The following CTNNA2 variants were observed in gnomAD, a reference collection of about 807,000 sequenced individuals.
CTNNA2 encodes the protein catenin alpha-2.
Under a neutral mutation model 101.0 loss-of-function variants are expected in CTNNA2, and 42 were observed. That is an observed-to-expected ratio of 0.42 (90% CI 0.32 to 0.54). The LOEUF is 0.54. Among genes scored for constraint, CTNNA2 ranks in the 20% least tolerant of loss-of-function variants. CTNNA2 has a pLI of 0.14. For synonymous variants in CTNNA2, 450 were observed against 456.4 expected, an observed-to-expected ratio of 0.99 and a Z score of 0.18; for missense variants, 871 against 1,223.1, an observed-to-expected ratio of 0.71 and a Z score of 4.29.
chr2:79,253,072 G>A (rs2104275012), intron 2 of CTNNA2, among the ~76,000 whole-genome samples: 1 of 152,214 alleles, frequency 6.6e-6, no homozygotes, highest in African/African-American at 2.4e-5. Context: ...CCAGGTTCTG[G>A]GAGTGTGGCT....
chr2:79,611,864 G>A (rs913952915), intron 1 of CTNNA2, among the ~76,000 whole-genome samples: 4 of 152,260 alleles, frequency 2.6e-5, no homozygotes, highest in African/African-American at 7.2e-5. Context: ...GCTTAATACA[G>A]ATGTCATTAT....
chr2:79,223,115 G>A (rs72915154), intron 2 of CTNNA2, among the ~76,000 whole-genome samples: 4,033 of 152,182 alleles, frequency 0.027, 169 homozygotes, highest in African/African-American at 0.091. Flanking sequence ...AGCTATGTTC[G>A]TGCCACTGCA....
At chr2:80,396,388 T>G (rs1237245610) in intron 8 of CTNNA2, among the ~76,000 whole-genome samples, 1 of 152,146 alleles carries the variant, frequency 6.6e-6, no homozygotes, top group Non-Finnish European at 1.5e-5. Flanking sequence ...CTTTAAGCAT[T>G]GGGTTCTCAT....
intron 7 of CTNNA2, among the ~76,000 whole-genome samples, chr2:80,090,704 G>A (rs1360369222): frequency 2.6e-5 from 4 of 152,050 alleles, no homozygotes; most frequent in Non-Finnish European, 5.9e-5. Flanking sequence ...GATATGCAAA[G>A]ATGGAATTGA....
intron 6 of CTNNA2, 105 bp from the exon 7 acceptor site, chr2:79,909,489 G>T: frequency 1.2e-6 from 1 of 860,460 alleles, no homozygotes; most frequent in Non-Finnish European, 1.8e-6. Context: ...TCTCCTCCTT[G>T]GGGACTCCTG....
chr2:79,550,351 G>T (rs572678368), intron 1 of CTNNA2, among the ~76,000 whole-genome samples: 1 of 152,194 alleles, frequency 6.6e-6, no homozygotes, highest in Admixed American at 6.5e-5. Context: ...CATGACTCTG[G>T]GCAAGGCACA....
intron 3 of CTNNA2, among the ~76,000 whole-genome samples, chr2:79,764,166 T>C (rs1219743843): frequency 6.6e-6 from 1 of 152,164 alleles, no homozygotes; most frequent in African/African-American, 2.4e-5. Flanking sequence ...GTGTTAAAAA[T>C]TGGAGCAGAA....
At chr2:79,215,039 G>T (rs560027432) in intron 2 of CTNNA2, among the ~76,000 whole-genome samples, 1 of 152,228 alleles carries the variant, frequency 6.6e-6, no homozygotes, top group Admixed American at 6.5e-5. Context: ...GTCCGTGATG[G>T]TCTAGGGGGC....
intron 7 of CTNNA2, among the ~76,000 whole-genome samples, chr2:80,137,817 A>G (rs1344612558): frequency 6.6e-6 from 1 of 151,778 alleles, no homozygotes; most frequent in East Asian, 1.9e-4. Flanking sequence ...TGGACACTTG[A>G]TCATTCCATT....
chr2:79,460,800 C>T (rs1404422178), intron 4 of CTNNA2, among the ~76,000 whole-genome samples: 1 of 149,744 alleles, frequency 6.7e-6, no homozygotes, highest in Non-Finnish European at 1.5e-5. Flanking sequence ...GTTTATGTTT[C>T]CCTTCATGCC....
intron 9 of CTNNA2, among the ~76,000 whole-genome samples, chr2:80,431,730 A>T (rs928603932): frequency 9.9e-5 from 15 of 152,188 alleles, no homozygotes; most frequent in African/African-American, 3.4e-4. Context: ...CGATGTCTGA[A>T]ACACAGGTTT....
At chr2:79,472,031 A>G (rs1403708988) in intron 4 of CTNNA2, among the ~76,000 whole-genome samples, 3 of 152,158 alleles carry the variant, frequency 2.0e-5, no homozygotes, top group African/African-American at 4.8e-5. Context: ...TCATCTAAAT[A>G]TCATCCAAAT....
intron 3 of CTNNA2, among the ~76,000 whole-genome samples, chr2:79,823,507 G>C (rs1678183303): frequency 1.3e-5 from 2 of 151,904 alleles, no homozygotes; most frequent in African/African-American, 2.4e-5. Flanking sequence ...CACAGAGTGA[G>C]ACCCCATCTC....
intron 7 of CTNNA2, among the ~76,000 whole-genome samples, chr2:80,140,176 G>C (rs759423182): frequency 6.6e-6 from 1 of 152,170 alleles, no homozygotes; most frequent in Non-Finnish European, 1.5e-5. Flanking sequence ...ACAACAGTCA[G>C]GCACGAAAGT....
chr2:79,569,696 A>G (rs1421332201), intron 1 of CTNNA2, among the ~76,000 whole-genome samples: 1 of 152,172 alleles, frequency 6.6e-6, no homozygotes, highest in African/African-American at 2.4e-5. Context: ...CTATTTCCCC[A>G]TTTAATAACT....
At chr2:79,214,622 G>A (rs1674222232) in intron 2 of CTNNA2, among the ~76,000 whole-genome samples, 1 of 152,108 alleles carries the variant, frequency 6.6e-6, no homozygotes, top group Non-Finnish European at 1.5e-5. Context: ...CCTGTGATCA[G>A]TTGCCAGGGA....
chr2:79,986,811 C>A (rs1188308784), intron 7 of CTNNA2, among the ~76,000 whole-genome samples: 3 of 152,202 alleles, frequency 2.0e-5, no homozygotes, highest in Admixed American at 6.5e-5. Flanking sequence ...AGAGTTCCAA[C>A]ATGAAGAGTA....
chr2:79,247,421 T>C (rs1358519624), intron 2 of CTNNA2, among the ~76,000 whole-genome samples: 3 of 152,254 alleles, frequency 2.0e-5, no homozygotes, highest in Non-Finnish European at 4.4e-5. Flanking sequence ...TGTCCCACTA[T>C]AATGATGTGA....
At chr2:80,458,272 T>C (rs1684149697) in intron 9 of CTNNA2, among the ~76,000 whole-genome samples, 2 of 152,206 alleles carry the variant, frequency 1.3e-5, no homozygotes, top group South Asian at 2.1e-4. Flanking sequence ...TTTCAATTAT[T>C]CATATAGTGA....
Sources: allele counts gnomAD v4.1 joint callset (sites outside exome capture counted in the v4.1 genomes callset), GRCh38; gene constraint gnomAD v4.1.1; transcripts MANE v1.5; gene names NCBI Gene and HGNC (gene_info 2026-07-23, HGNC 2026-07-21).